RCOR1: variants seen among roughly 807,000 people sequenced by gnomAD.
The protein encoded by RCOR1 is REST corepressor.
Under a neutral mutation model 64.0 loss-of-function variants are expected in RCOR1, and 12 were observed. The observed-to-expected ratio is 0.19, with a 90% CI of 0.12 to 0.30. The LOEUF (loss-of-function observed/expected upper bound fraction) is 0.30, where lower values mean the gene tolerates loss of function less well. Among genes scored for constraint, RCOR1 ranks in the 10% least tolerant of loss-of-function variants. RCOR1 has a pLI of 1.00. For synonymous variants in RCOR1, 279 were observed against 227.2 expected (o/e 1.23, Z -2.05); for missense variants, 502 against 621.2 (o/e 0.81, Z 2.04).
chr14:102,682,484 C>A (rs1447270080), intron 3 of RCOR1, among the ~76,000 whole-genome samples: 1 of 152,160 alleles, frequency 6.6e-6, no homozygotes, highest in African/African-American at 2.4e-5. Context: ...AATCTGCCTC[C>A]CTGTAATTTG....
intron 2 of RCOR1, among the ~76,000 whole-genome samples, chr14:102,594,368 C>T (rs886981059): frequency 1.3e-5 from 2 of 152,154 alleles, no homozygotes; most frequent in African/African-American, 2.4e-5. Flanking sequence ...AAGATAAACG[C>T]ATACATGTTT....
At chr14:102,705,134 A>C (rs549825905) in intron 4 of RCOR1, among the ~76,000 whole-genome samples, 121 of 151,534 alleles carry the variant, frequency 8.0e-4, no homozygotes, top group South Asian at 2.3e-3. Flanking sequence ...ACAACAACAA[A>C]AAAAAAGAGG....
chr14:102,629,002 C>T (rs1567413722), intron 2 of RCOR1, among the ~76,000 whole-genome samples: 1 of 152,114 alleles, frequency 6.6e-6, no homozygotes, highest in Admixed American at 6.5e-5. Flanking sequence ...GCGATCCTCC[C>T]ACCTCAGCCC....
intron 3 of RCOR1, among the ~76,000 whole-genome samples, chr14:102,696,597 G>C (rs1385865687): frequency 6.6e-6 from 1 of 152,178 alleles, no homozygotes; most frequent in Non-Finnish European, 1.5e-5. Flanking sequence ...TTTACTTCAT[G>C]AGTCCCTGCC....
chr14:102,621,362 TTTGTC>T (rs1168115121), intron 2 of RCOR1, among the ~76,000 whole-genome samples: 2 of 141,696 alleles, frequency 1.4e-5, no homozygotes, highest in African/African-American at 5.2e-5. Context: ...CACACCAGTC[TTTGTC>T]TTTTTTTTTT....
At chr14:102,719,962 C>T (rs775617047) in intron 8 of RCOR1, among the ~76,000 whole-genome samples, 12 of 152,090 alleles carry the variant, frequency 7.9e-5, no homozygotes, top group East Asian at 1.9e-4. Flanking sequence ...CCTGGGTTTT[C>T]GGTAACTGAA....
intron 8 of RCOR1, among the ~76,000 whole-genome samples, chr14:102,717,594 G>T (rs1896091454): frequency 6.6e-6 from 1 of 152,136 alleles, no homozygotes; most frequent in Admixed American, 6.6e-5. Flanking sequence ...GTTTGCACTG[G>T]AAGAACTGTC....
At chr14:102,639,007 T>A (rs182072033) in intron 2 of RCOR1, among the ~76,000 whole-genome samples, 10 of 152,264 alleles carry the variant, frequency 6.6e-5, no homozygotes, top group East Asian at 1.9e-4. Context: ...TCTCTTGGGA[T>A]TTTTTTCCTA....
At position 102,595,832 on chromosome 14, in the gene RCOR1, G is replaced by T. The variant is rs572563754; in HGVS notation, c.361+2507G>T. On this transcript the variant is annotated intron_variant, in intron 2 of 11. Transcript: ENST00000262241. ...CTGACCTCGTGATCCGCCCGTCTCG[G>T]CCTCTCATAGTGCTGGGATTACAGG... is the stretch of plus-strand genomic sequence containing the variant. Among the ~76,000 whole-genome samples, 3 of 152,114 alleles carry T rather than the reference G, an allele frequency of 2.0e-5. No homozygotes were observed. The South Asian group carries it at 6.2e-4, about 32-fold the overall frequency.
intron 2 of RCOR1, among the ~76,000 whole-genome samples, chr14:102,652,249 TAAAG>T (rs1174123250): frequency 6.6e-6 from 1 of 152,196 alleles, no homozygotes; most frequent in Non-Finnish European, 1.5e-5. Context: ...AATTGAAACT[TAAAG>T]AGATTAGAGA....
intron 7 of RCOR1, 71 bp downstream of exon 7, chr14:102,711,084 T>C (rs992438531): frequency 1.0e-6 from 1 of 969,374 alleles, no homozygotes; most frequent in African/African-American, 1.7e-5. Context: ...AACATTCATG[T>C]TGCTTGTTCT....
At chr14:102,676,664 G>A (rs1310970999) in intron 2 of RCOR1, among the ~76,000 whole-genome samples, 4 of 113,026 alleles carry the variant, frequency 3.5e-5, no homozygotes, top group South Asian at 3.0e-4. Flanking sequence ...CGGACGGGGC[G>A]GCTGGCTGGG....
chr14:102,604,178 G>C (rs890110330), intron 2 of RCOR1, among the ~76,000 whole-genome samples: 1 of 152,108 alleles, frequency 6.6e-6, no homozygotes, highest in Non-Finnish European at 1.5e-5. Flanking sequence ...CTATTAGCTA[G>C]TTGACCCAAA....
intron 2 of RCOR1, among the ~76,000 whole-genome samples, chr14:102,620,505 T>G (rs1595197640): frequency 1.3e-5 from 2 of 152,236 alleles, no homozygotes; most frequent in East Asian, 1.9e-4. Flanking sequence ...AGGCAGAGGT[T>G]GTGGTGAGCC....
At chr14:102,681,490 T>A (rs1463897216) in intron 2 of RCOR1, among the ~76,000 whole-genome samples, 1 of 152,268 alleles carries the variant, frequency 6.6e-6, no homozygotes, top group Non-Finnish European at 1.5e-5. Flanking sequence ...AAATAGTTAT[T>A]CTTTAATAAT....
chr14:102,726,713 T>C lies in RCOR1; in HGVS notation c.*207T>C. ...GGCGCCACTTCCCAGAGAGCTCCAC[T>C]GCATCTCACACTCTGCCCACGTGCT... is the stretch of plus-strand genomic sequence containing the variant. On this transcript the variant is annotated 3_prime_UTR_variant, in exon 12 of 12. Coordinates refer to ENST00000262241, the MANE Select transcript of RCOR1 (RefSeq NM_015156.4). 2 of 563,074 alleles carry C rather than the reference T, an allele frequency of 3.6e-6. No individual in the cohort carries two copies. The highest frequency in any genetic ancestry group is 2.3e-5 in the South Asian group (1 of 43,178). The allele number at this position is 563,074 out of a possible 1,614,324, so 34.9% of individuals were successfully genotyped here. A position where few individuals can be genotyped will look rare whatever the true frequency, so the allele number is the denominator to read the frequency against.
At chr14:102,666,417 T>C (rs949437763) in intron 2 of RCOR1, among the ~76,000 whole-genome samples, 4 of 152,252 alleles carry the variant, frequency 2.6e-5, no homozygotes, top group African/African-American at 9.6e-5. Context: ...TTCCCCGTTA[T>C]TAACATCTTA....
At chr14:102,711,581 A>G (rs1895959502) in intron 7 of RCOR1, among the ~76,000 whole-genome samples, 1 of 152,162 alleles carries the variant, frequency 6.6e-6, no homozygotes, top group Non-Finnish European at 1.5e-5. Flanking sequence ...GGGGCTCGTG[A>G]ACCTCTACAA....
intron 2 of RCOR1, among the ~76,000 whole-genome samples, chr14:102,602,351 C>T (rs1893419470): frequency 6.8e-6 from 1 of 147,908 alleles, no homozygotes; most frequent in African/African-American, 2.5e-5. Context: ...AAATGCTATC[C>T]TTTAATGGCT....
Sources: gnomAD v4.1 joint callset for allele counts (sites outside exome capture counted in the v4.1 genomes callset) on GRCh38, gnomAD v4.1.1 for gene constraint, MANE v1.5 for transcripts, NCBI Gene and HGNC (gene_info 2026-07-23, HGNC 2026-07-21) for gene names.